The following NCOR2 variants were observed in gnomAD, a reference collection of about 807,000 sequenced individuals.
NCOR2 encodes CTG repeat protein 26.
NCOR2 carries 81 observed loss-of-function variants against 262.9 expected under a neutral mutation model. The ratio of observed to expected loss-of-function variants is 0.31; its 90% CI spans 0.26 to 0.37. NCOR2 has a LOEUF of 0.37. Ranked by LOEUF, NCOR2 falls within the 10% of genes least tolerant of loss-of-function variation. The probability of loss-of-function intolerance (pLI) is 1.00; values close to 1 mark genes in which losing one functional copy is unlikely to be tolerated. For synonymous variants in NCOR2, 1,659 were observed against 1,559.3 expected, an observed-to-expected ratio of 1.06 and a Z score of -1.51; for missense variants, 3,385 against 3,621.4, an observed-to-expected ratio of 0.93 and a Z score of 1.68.
chr12:124,542,119 C>T (rs1444326377), intron 1 of NCOR2, among the ~76,000 whole-genome samples: 4 of 151,874 alleles, frequency 2.6e-5, no homozygotes, highest in Non-Finnish European at 4.4e-5. Context: ...TCAGCCTCTT[C>T]CTGCATGGAG....
At chr12:124,350,608 CCTT>C (rs776260553) in exon 28 of NCOR2, 21 of 1,613,846 alleles carry the variant, frequency 1.3e-5, no homozygotes. Flanking sequence ...AAGACGTGGC[CCTT>C]CTTGCCTTCG....
At chr12:124,547,857 T>C (rs989532494) in intron 1 of NCOR2, among the ~76,000 whole-genome samples, 4 of 152,238 alleles carry the variant, frequency 2.6e-5, no homozygotes, top group Non-Finnish European at 5.9e-5. Context: ...TTCCTTTTCA[T>C]GGCTGAATAA....
chr12:124,431,525 GAT>G (rs1255038517), intron 8 of NCOR2, among the ~76,000 whole-genome samples: 1 of 148,224 alleles, frequency 6.7e-6, no homozygotes, highest in Non-Finnish European at 1.5e-5. Flanking sequence ...CAGTCAGACA[GAT>G]ATACACAGGC....
intron 1 of NCOR2, among the ~76,000 whole-genome samples, chr12:124,564,365 C>G (rs2052165055): frequency 6.6e-6 from 1 of 152,218 alleles, no homozygotes; most frequent in Non-Finnish European, 1.5e-5. Context: ...TTGCCCCTCC[C>G]CTGGGCACCT....
In NCOR2 at chr12:124,490,362, AGGGCCTGGAAGAGGAC is replaced by A. The variant is rs1160691697; in HGVS notation, c.106-3810_106-3795del. 2.6e-4 allele frequency among the ~76,000 whole-genome samples: 40 copies of A among 152,176 alleles called. 1 individual carries two copies. The highest frequency in any genetic ancestry group is 2.6e-3 in the Admixed American group (39 of 15,284). Reference sequence around the variant, plus strand: ...CTGTTCTGTTCACAGCTGCACTGCAAGGGCCTGGAAGAGGACGGGCCCGAGACGCCTGATAAGTATT... The same window carrying A: ...CTGTTCTGTTCACAGCTGCACTGCAAGGGCCCGAGACGCCTGATAAGTATT... On this transcript the variant is annotated intron_variant, in intron 1 of 46. Coordinates refer to ENST00000405201, the Ensembl canonical transcript of NCOR2.
rs149062873 is a variant in NCOR2 at position 124,334,703 on chromosome 12, G to A, written c.6412-86C>T. 5.8e-3 allele frequency: 4,075 copies of A among 707,922 alleles called. 26 individuals are homozygous for A. Among genetic ancestry groups the A allele is most frequent in the Non-Finnish European group, 6.2e-3 (2,834 of 455,232 alleles). 43.9% of individuals were successfully genotyped at this position (707,922 alleles called of 1,614,324 possible). A position where few individuals can be genotyped will look rare whatever the true frequency, so the allele number is the denominator to read the frequency against. On this transcript the variant is annotated intron_variant, in intron 40 of 46. Coordinates refer to ENST00000405201, the Ensembl canonical transcript of NCOR2. Reference sequence around the variant, plus strand: ...GTGGGGAGGGGCTAGACGGAGCTCGGGGCAGAATCCTGGGTGGGGCCAGCT... The same window carrying A: ...GTGGGGAGGGGCTAGACGGAGCTCGAGGCAGAATCCTGGGTGGGGCCAGCT...
chr12:124,362,528 C>T (rs2038671989), intron 21 of NCOR2, among the ~76,000 whole-genome samples: 1 of 147,938 alleles, frequency 6.8e-6, no homozygotes, highest in Non-Finnish European at 1.5e-5. Flanking sequence ...GAGCTCACCT[C>T]CCCAGAAAGC....
intron 13 of NCOR2, among the ~76,000 whole-genome samples, chr12:124,404,099 A>T (rs1021897682): frequency 1.3e-5 from 2 of 152,232 alleles, no homozygotes; most frequent in Non-Finnish European, 1.5e-5. Flanking sequence ...CGGCAGGTGA[A>T]GCCTCTTTTG....
chr12:124,367,319 T>C (rs1487506394), intron 20 of NCOR2, among the ~76,000 whole-genome samples: 1 of 152,070 alleles, frequency 6.6e-6, no homozygotes, highest in African/African-American at 2.4e-5. Context: ...CCAGAGCAAG[T>C]GGGGACTGTG....
At chr12:124,525,919 AG>A (rs2050443274) in intron 1 of NCOR2, among the ~76,000 whole-genome samples, 1 of 152,246 alleles carries the variant, frequency 6.6e-6, no homozygotes, top group Non-Finnish European at 1.5e-5. Context: ...GCTGCTGCAA[AG>A]AGTACATGCG....
intron 13 of NCOR2, 84 bp from the exon 16 acceptor site, chr12:124,402,645 T>G: frequency 2.0e-6 from 3 of 1,533,496 alleles, no homozygotes; most frequent in Non-Finnish European, 2.6e-6. Flanking sequence ...GGGCTCAGCC[T>G]GAGCTGGGGG....
intron 15 of NCOR2, among the ~76,000 whole-genome samples, chr12:124,399,991 A>C (rs1593374308): frequency 6.6e-6 from 1 of 152,138 alleles, no homozygotes; most frequent in African/African-American, 2.4e-5. Flanking sequence ...CTGGGTGGGG[A>C]CAAGTAGAGC....
At position 124,331,343 on chromosome 12, in the gene NCOR2, G is replaced by GT. The variant is rs549582028; in HGVS notation, c.6905-446dup. 9.5e-5 allele frequency: 16 copies of GT among 167,568 alleles called. No homozygotes were observed. In the South Asian group the frequency reaches 2.2e-3, roughly 23 times the overall value. 10.4% of individuals were successfully genotyped at this position (167,568 alleles called of 1,614,324 possible). A position where few individuals can be genotyped will look rare whatever the true frequency, so the allele number is the denominator to read the frequency against. On this transcript the variant is annotated intron_variant, in intron 43 of 46. Coordinates refer to ENST00000405201, the Ensembl canonical transcript of NCOR2. ...CTCCCAAAGTGCTGGGATTACAGGC[G>GT]TAAGCCACCGCGCCTGGCCAAGGGC... is the stretch of plus-strand genomic sequence containing the variant.
rs991429510 is a variant in NCOR2 at position 124,523,573 on chromosome 12, G to A, written c.-118+11992C>T. 2.0e-5 allele frequency among the ~76,000 whole-genome samples: 3 copies of A among 150,988 alleles called. No individual in the cohort carries two copies. The highest frequency in any genetic ancestry group is 6.6e-5 in the Admixed American group (1 of 15,158). ...CGTGTCCAGTCTTTTGGCTTCACTGGGCCACACTAAAAGAACTGTCTCGGA... is the reference window on the plus strand; with the variant it reads ...CGTGTCCAGTCTTTTGGCTTCACTGAGCCACACTAAAAGAACTGTCTCGGA... On this transcript the variant is annotated intron_variant, in intron 1 of 46. Coordinates refer to the NCOR2 transcript ENST00000404621. This position sits in a 1 kb window ranked among gnomAD's most constrained non-coding sequence, Gnocchi z 4.0.
chr12:124,439,271 T>A (rs28970561), intron 7 of NCOR2, among the ~76,000 whole-genome samples: 401 of 3,148 alleles, frequency 0.13, 8 homozygotes, highest in African/African-American at 0.26. Context: ...ATGGAGACCC[T>A]GAGACAGAGG....
chr12:124,344,259 G>A (rs2036728398), intron 32 of NCOR2, among the ~76,000 whole-genome samples: 1 of 152,252 alleles, frequency 6.6e-6, no homozygotes, highest in African/African-American at 2.4e-5. Context: ...ATAGCAAAAT[G>A]TGTGAAGTTG....
chr12:124,398,785 T>TA (rs2041834996), intron 15 of NCOR2, among the ~76,000 whole-genome samples: 1 of 151,746 alleles, frequency 6.6e-6, no homozygotes, highest in Non-Finnish European at 1.5e-5. Flanking sequence ...AGTGGGGGAG[T>TA]AAAATCGCCC....
chr12:124,328,754 T>C (rs1008563345), intron 44 of NCOR2: 1 of 184,272 alleles, frequency 5.4e-6, no homozygotes, highest in African/African-American at 2.4e-5. Flanking sequence ...TTCCGACCAC[T>C]CGCTCCTTTG....
In NCOR2 at chr12:124,461,589, G is replaced by A. The variant is rs1466764599; in HGVS notation, c.706-4427C>T. On this transcript the variant is annotated intron_variant, in intron 5 of 46. Transcript: ENST00000405201. ...TGCACATGCCAAGATCTAGGAACAC[G>A]CAAAGACATACACACATGTCCACAC... Among the ~76,000 whole-genome samples, 7 of 152,208 alleles carry A rather than the reference G, an allele frequency of 4.6e-5. No homozygotes were observed. The South Asian group carries it at 1.2e-3, about 27-fold the overall frequency.
Sources: allele counts gnomAD v4.1 joint callset (sites outside exome capture counted in the v4.1 genomes callset), GRCh38; gene constraint gnomAD v4.1.1; non-coding constraint Gnocchi (gnomAD v3.1); transcripts MANE v1.5; gene names NCBI Gene and HGNC (gene_info 2026-07-23, HGNC 2026-07-21).